Variants in ESCO1 observed in about 807,000 individuals in gnomAD.
The protein encoded by ESCO1 is establishment of sister chromatid cohesion N-acetyltransferase 1, also known as N-acetyltransferase ESCO1.
In ESCO1, 33 loss-of-function variants were observed where a neutral mutation model predicts 83.5. That is an observed-to-expected ratio of 0.40 (90% CI 0.30 to 0.53). The LOEUF (loss-of-function observed/expected upper bound fraction) is 0.53, where lower values mean the gene tolerates loss of function less well. Among genes scored for constraint, ESCO1 ranks in the 20% least tolerant of loss-of-function variants. ESCO1 has a pLI of 0.63. For synonymous variants in ESCO1, 332 were observed against 324.3 expected (o/e 1.02, Z -0.25); for missense variants, 855 against 968.0 (o/e 0.88, Z 1.55).
intron 8 of ESCO1, 29 bp from the exon 9 acceptor site, chr18:21,540,038 A>C: frequency 6.7e-7 from 1 of 1,482,740 alleles, no homozygotes; most frequent in Non-Finnish European, 9.2e-7. Flanking sequence ...ATATACACAC[A>C]TATGTAAAGT....
chr18:21,582,863 C>A (rs1488830772), intron 2 of ESCO1, among the ~76,000 whole-genome samples: 4 of 152,184 alleles, frequency 2.6e-5, no homozygotes, highest in Non-Finnish European at 5.9e-5. Context: ...CAGGACAATC[C>A]ACCTATCAAA....
chr18:21,531,061 A>T (rs921261568), intron 11 of ESCO1, among the ~76,000 whole-genome samples: 1 of 152,232 alleles, frequency 6.6e-6, no homozygotes, highest in Non-Finnish European at 1.5e-5. Flanking sequence ...TTGATATTCA[A>T]AAGTAAACTG....
At chr18:21,555,111 A>C (rs1408782079) in intron 8 of ESCO1, among the ~76,000 whole-genome samples, 2 of 152,064 alleles carry the variant, frequency 1.3e-5, no homozygotes, top group Non-Finnish European at 2.9e-5. Flanking sequence ...AACTAACTAA[A>C]TAAAGACATG....
At chr18:21,587,605 G>GGA (rs1376385768) in intron 1 of ESCO1, among the ~76,000 whole-genome samples, 3 of 151,752 alleles carry the variant, frequency 2.0e-5, no homozygotes, top group Admixed American at 6.6e-5. Flanking sequence ...TCCTTATTTT[G>GGA]GTAATTTGAG....
chr18:21,542,473 T>G (rs888221311), intron 8 of ESCO1, among the ~76,000 whole-genome samples: 1 of 152,254 alleles, frequency 6.6e-6, no homozygotes, highest in South Asian at 2.1e-4. Context: ...ACTCTGATTC[T>G]GTTTCCTGAT....
rs868324452 is a variant in ESCO1, at chr18:21,574,778, C to A, written c.66G>T (p.Lys22Asn). Residue 22 changes from lysine (K) to asparagine (N), a missense_variant, in exon 4 of 12, where the codon AAG becomes AAT. By Grantham distance (94) the Lys-to-Asn change is moderately conservative (BLOSUM62 0). Around this residue, in one of 2 missense-constraint regions of ESCO1, gnomAD observed 726 missense variants for 699.5 expected, o/e 1.04. Transcript: ENST00000269214. ...AATCCTGAATTTCTGTTTCTGAATT[C>A]TTATCGTCACTTTTTTTAGTAACTT... ...SSKVTKKSDD[K>N]NSETEIQDSQ... 8 of 1,603,216 alleles carry A rather than the reference C, an allele frequency of 5.0e-6. No individual in the cohort carries two copies. The Admixed American group carries it at 5.0e-5, about 10-fold the overall frequency.
chr18:21,571,318 G>A (rs1299523406), intron 4 of ESCO1, among the ~76,000 whole-genome samples: 3 of 151,954 alleles, frequency 2.0e-5, no homozygotes, highest in Non-Finnish European at 4.4e-5. Flanking sequence ...CTCCTGAGTA[G>A]CTGGGATTAC....
intron 8 of ESCO1, among the ~76,000 whole-genome samples, chr18:21,546,473 T>C (rs1005424483): frequency 2.6e-5 from 4 of 152,228 alleles, no homozygotes; most frequent in African/African-American, 9.6e-5. Context: ...CCATAGGGCC[T>C]AGCACAATAA....
At chr18:21,536,310 C>T in intron 9 of ESCO1, 125 bp from the exon 10 acceptor site, 1 of 1,131,616 alleles carries the variant, frequency 8.8e-7, no homozygotes, top group African/African-American at 1.6e-5. Flanking sequence ...TTCTTTTGGG[C>T]TGGGTGTGGT....
At chr18:21,563,214 G>C (rs1046248578) in intron 7 of ESCO1, among the ~76,000 whole-genome samples, 4 of 151,776 alleles carry the variant, frequency 2.6e-5, no homozygotes, top group Non-Finnish European at 5.9e-5. Context: ...ACTGAAAGGA[G>C]GTAGTGATCA....
intron 8 of ESCO1, among the ~76,000 whole-genome samples, chr18:21,540,372 A>C (rs767780485): frequency 2.0e-5 from 3 of 152,188 alleles, no homozygotes; most frequent in Non-Finnish European, 2.9e-5. Context: ...TTCTTGATAA[A>C]AGAATTAAAC....
At chr18:21,570,950 G>A (rs1294194493) in intron 4 of ESCO1, among the ~76,000 whole-genome samples, 4 of 150,988 alleles carry the variant, frequency 2.6e-5, no homozygotes, top group East Asian at 2.0e-4. Context: ...CACTCCAGCC[G>A]GGGTGACAGA....
intron 8 of ESCO1, among the ~76,000 whole-genome samples, chr18:21,543,670 G>T (rs1204735179): frequency 6.6e-6 from 1 of 152,080 alleles, no homozygotes; most frequent in Non-Finnish European, 1.5e-5. Context: ...ACAATTTCAT[G>T]AAAAGGTTGA....
intron 7 of ESCO1, among the ~76,000 whole-genome samples, chr18:21,562,688 T>C (rs894957273): frequency 1.3e-5 from 2 of 152,030 alleles, no homozygotes; most frequent in African/African-American, 4.8e-5. Flanking sequence ...ACTACATAAA[T>C]GTTCCTAGTA....
intron 4 of ESCO1, among the ~76,000 whole-genome samples, chr18:21,568,523 A>G (rs1189491880): frequency 6.6e-6 from 1 of 152,230 alleles, no homozygotes; most frequent in African/African-American, 2.4e-5. Flanking sequence ...CAATATGGTC[A>G]TCACTCCCAC....
At chr18:21,531,609 A>G (rs930505218) in intron 11 of ESCO1, among the ~76,000 whole-genome samples, 2 of 152,016 alleles carry the variant, frequency 1.3e-5, no homozygotes, top group African/African-American at 2.4e-5. Flanking sequence ...GCTTGAGCCC[A>G]GGAGTTCGAG....
chr18:21,588,450 A>C (rs73427729), intron 1 of ESCO1, among the ~76,000 whole-genome samples: 1 of 152,068 alleles, frequency 6.6e-6, no homozygotes, highest in Non-Finnish European at 1.5e-5. Context: ...CTCTAAAAAA[A>C]AAAAAGAAAA....
intron 4 of ESCO1, among the ~76,000 whole-genome samples, chr18:21,570,838 G>T (rs893099649): frequency 6.6e-6 from 1 of 152,064 alleles, no homozygotes; most frequent in African/African-American, 2.4e-5. Flanking sequence ...TTAGCCGGGC[G>T]TGGTGGCAGG....
At chr18:21,584,691 G>A (rs1477694852) in intron 1 of ESCO1, among the ~76,000 whole-genome samples, 1 of 151,936 alleles carries the variant, frequency 6.6e-6, no homozygotes, top group African/African-American at 2.4e-5. Context: ...GTGCTGGCAC[G>A]TCTGTAAGTC....
Sources: gnomAD v4.1 joint callset for allele counts (sites outside exome capture counted in the v4.1 genomes callset) on GRCh38, gnomAD v4.1.1 for gene constraint, gnomAD v4.1.1 regional missense constraint, MANE v1.5 for transcripts, NCBI Gene and HGNC (gene_info 2026-07-23, HGNC 2026-07-21) for gene names.